CNTNAP2: variants seen among roughly 807,000 people sequenced by gnomAD.
CNTNAP2 encodes contactin associated protein 2, also known as contactin-associated protein-like 2.
Under a neutral mutation model 155.2 loss-of-function variants are expected in CNTNAP2, and 98 were observed. The ratio of observed to expected loss-of-function variants is 0.63; its 90% CI spans 0.54 to 0.75. The LOEUF (loss-of-function observed/expected upper bound fraction) is 0.75. CNTNAP2 is among the 30% of genes least tolerant of loss of function. The pLI, the probability that CNTNAP2 is intolerant of heterozygous loss-of-function variation, is 0.00. For missense variants in CNTNAP2, 1,727 were observed against 1,688.1 expected (o/e 1.02, Z -0.40); for synonymous variants, 651 against 631.2 (o/e 1.03, Z -0.47).
intron 8 of CNTNAP2, among the ~76,000 whole-genome samples, chr7:147,260,862 T>G (rs531528394): frequency 6.6e-6 from 1 of 152,334 alleles, no homozygotes; most frequent in African/African-American, 2.4e-5. Flanking sequence ...TGCATCAGTA[T>G]TACTTTACAA....
intron 1 of CNTNAP2, among the ~76,000 whole-genome samples, chr7:146,355,029 A>G (rs531649521): frequency 1.3e-5 from 2 of 152,342 alleles, no homozygotes; most frequent in African/African-American, 4.8e-5. Context: ...TCAAATGTAC[A>G]GTATAACAGG....
rs549206690 is a variant in CNTNAP2 at position 147,397,721 on chromosome 7, G to T, written c.1670+1941G>T. 2.7e-5 allele frequency among the ~76,000 whole-genome samples: 4 copies of T among 150,904 alleles called. No homozygotes were observed. The East Asian group carries it at 7.8e-4, about 29-fold the overall frequency. ...GGAGACCAACACAAGGGAAGGTATA[G>T]AAAAGAAAATACAAGTTTCAATTTT... On this transcript the variant is annotated intron_variant, in intron 10 of 23. Coordinates refer to ENST00000361727, the MANE Select transcript of CNTNAP2 (RefSeq NM_014141.6).
At chr7:147,978,426 A>G (rs1350733764) in intron 15 of CNTNAP2, among the ~76,000 whole-genome samples, 1 of 152,136 alleles carries the variant, frequency 6.6e-6, no homozygotes, top group East Asian at 1.9e-4. Flanking sequence ...TTATGGCCAT[A>G]TAAAGTTTGA....
At chr7:146,879,589 A>T (rs1239550720) in intron 3 of CNTNAP2, among the ~76,000 whole-genome samples, 1 of 151,966 alleles carries the variant, frequency 6.6e-6, no homozygotes, top group Non-Finnish European at 1.5e-5. Flanking sequence ...TGAAGTCAGT[A>T]CTCTCACTTC....
chr7:148,288,396 G>A (rs1373189371), intron 21 of CNTNAP2, among the ~76,000 whole-genome samples: 12 of 152,094 alleles, frequency 7.9e-5, no homozygotes, highest in Middle Eastern at 3.4e-3. Context: ...ACCGCGCCCC[G>A]CCTCTCTTCC....
At chr7:146,839,556 G>GA in intron 2 of CNTNAP2, among the ~76,000 whole-genome samples, 155 bp from the exon 3 acceptor site, 1 of 152,156 alleles carries the variant, frequency 6.6e-6, no homozygotes, top group Non-Finnish European at 1.5e-5. Context: ...AATATTAGTT[G>GA]AAGTCCCAAT....
chr7:146,150,256 A>G (rs949665531), intron 1 of CNTNAP2, among the ~76,000 whole-genome samples: 3 of 152,112 alleles, frequency 2.0e-5, no homozygotes, highest in Non-Finnish European at 2.9e-5. Flanking sequence ...AACAATACCA[A>G]TTGTTGGTGA....
chr7:147,407,156 A>G (rs1307808085), intron 10 of CNTNAP2, among the ~76,000 whole-genome samples: 2 of 152,186 alleles, frequency 1.3e-5, no homozygotes, highest in African/African-American at 4.8e-5. Context: ...TTCAAGTGGC[A>G]CTTCCTAAGT....
At chr7:146,273,784 T>C (rs1014986758) in intron 1 of CNTNAP2, among the ~76,000 whole-genome samples, 2 of 152,196 alleles carry the variant, frequency 1.3e-5, no homozygotes, top group African/African-American at 4.8e-5. Context: ...TTACTTGTAC[T>C]GGCCGGTTAC....
intron 1 of CNTNAP2, among the ~76,000 whole-genome samples, chr7:146,587,994 A>T (rs1194035202): frequency 3.9e-5 from 5 of 128,824 alleles, no homozygotes; most frequent in Admixed American, 3.2e-4. Flanking sequence ...TTTTCAAACA[A>T]ACCGTGTGTG....
At chr7:147,378,884 GT>G (rs1197169434) in intron 9 of CNTNAP2, among the ~76,000 whole-genome samples, 1 of 151,928 alleles carries the variant, frequency 6.6e-6, no homozygotes, top group East Asian at 1.9e-4. Flanking sequence ...GTTTGGCTGT[GT>G]TCCCACCCAA....
intron 9 of CNTNAP2, among the ~76,000 whole-genome samples, chr7:147,361,749 C>G (rs1221744780): frequency 1.3e-5 from 2 of 151,902 alleles, no homozygotes; most frequent in Non-Finnish European, 2.9e-5. Flanking sequence ...GTAAGATAAA[C>G]TTACTCAATA....
intron 21 of CNTNAP2, among the ~76,000 whole-genome samples, chr7:148,282,600 A>G (rs1040250628): frequency 1.3e-5 from 2 of 152,204 alleles, no homozygotes; most frequent in African/African-American, 4.8e-5. Context: ...ATACAAATAA[A>G]GAATGGCTGA....
intron 1 of CNTNAP2, among the ~76,000 whole-genome samples, chr7:146,566,032 T>C (rs1798351426): frequency 1.3e-5 from 2 of 152,236 alleles, no homozygotes; most frequent in Non-Finnish European, 1.5e-5. Context: ...GACTCTGTAA[T>C]GGCTGCAGCC....
chr7:146,600,890 A>T (rs1798940554), intron 1 of CNTNAP2, among the ~76,000 whole-genome samples: 2 of 152,154 alleles, frequency 1.3e-5, no homozygotes, highest in South Asian at 4.1e-4. Flanking sequence ...TGAGAGATAT[A>T]GTAATTCTGC....
In CNTNAP2 at chr7:146,272,198, T is replaced by C. The variant is rs563038618; in HGVS notation, c.97+155225T>C. ...GGAAGCAAACACGTCCTTCTTCACA[T>C]GGCAGCAGCAAAGAGAAATGCTGAG... On this transcript the variant is annotated intron_variant, in intron 1 of 23. Transcript: ENST00000361727. 5.6e-4 allele frequency among the ~76,000 whole-genome samples: 86 copies of C among 152,232 alleles called. 1 individual carries two copies. The highest frequency in any genetic ancestry group is 1.1e-3 in the Non-Finnish European group (73 of 68,008).
Position 146,436,517 on chromosome 7 carries a change from G to A in CNTNAP2, c.97+319544G>A, listed in dbSNP as rs138522455. Among the ~76,000 whole-genome samples, 836 of 151,962 alleles carry A rather than the reference G, an allele frequency of 5.5e-3. 9 individuals carry two copies. The highest frequency in any genetic ancestry group is 0.019 in the African/African-American group (779 of 41,440). On this transcript the variant is annotated intron_variant, in intron 1 of 23. Transcript: ENST00000361727. ...AAGCACCTAAGTAATCACAATAAGGGGAGATAATAGGAAAATTTAAAATAA... is the reference window on the plus strand; with the variant it reads ...AAGCACCTAAGTAATCACAATAAGGAGAGATAATAGGAAAATTTAAAATAA...
At chr7:147,639,361 T>A in intron 13 of CNTNAP2, 55 bp downstream of exon 13, 1 of 1,532,098 alleles carries the variant, frequency 6.5e-7, no homozygotes, top group East Asian at 2.3e-5. Flanking sequence ...GTGCTTAGAA[T>A]TGCCTAAAGA....
Position 147,950,364 on chromosome 7 carries a change from C to CAAAAAAAAAAAAAAAAAAAAA in CNTNAP2, c.2256-27489_2256-27469dup, listed in dbSNP as rs386411606. On this transcript the variant is annotated intron_variant, in intron 14 of 23. Coordinates refer to ENST00000361727, the MANE Select transcript of CNTNAP2 (RefSeq NM_014141.6). The stretch of plus-strand genomic sequence containing the variant: ...AGCTTAAGCTATACACATAGAGAGG[C>CAAAAAAAAAAAAAAAAAAAAA]AAAAAAAAAAAAAAAAAAAAAAAAA... Among the ~76,000 whole-genome samples, 12 of 55,784 alleles carry CAAAAAAAAAAAAAAAAAAAAA rather than the reference C, an allele frequency of 2.2e-4. 1 individual carries two copies. Among genetic ancestry groups the CAAAAAAAAAAAAAAAAAAAAA allele is most frequent in the African/African-American group, 4.9e-4 (5 of 10,158 alleles). 36.6% of individuals were successfully genotyped at this position (55,784 alleles called of 152,430 possible).
Sources: gnomAD v4.1 joint callset for allele counts (sites outside exome capture counted in the v4.1 genomes callset) on GRCh38, gnomAD v4.1.1 for gene constraint, MANE v1.5 for transcripts, NCBI Gene and HGNC (gene_info 2026-07-23, HGNC 2026-07-21) for gene names.